Variants in PAK1 observed in about 807,000 individuals in gnomAD.
PAK1 encodes the protein serine/threonine-protein kinase PAK 1.
PAK1 carries 29 observed loss-of-function variants against 67.4 expected under a neutral mutation model. That is an observed-to-expected ratio of 0.43 (90% CI 0.32 to 0.59). PAK1 has a LOEUF of 0.59. Ranked by LOEUF, PAK1 falls within the 20% of genes least tolerant of loss-of-function variation. The probability of loss-of-function intolerance (pLI) is 0.07; values close to 1 mark genes in which losing one functional copy is unlikely to be tolerated. For missense variants in PAK1, 337 were observed against 670.7 expected (o/e 0.50, Z 5.50); for synonymous variants, 223 against 237.4 (o/e 0.94, Z 0.56).
intron 1 of PAK1, among the ~76,000 whole-genome samples, chr11:77,426,025 A>G (rs973228453): frequency 6.6e-6 from 1 of 151,380 alleles, no homozygotes; most frequent in Non-Finnish European, 1.5e-5. Context: ...TGCTGGGACT[A>G]CAAGCTTGAG....
chr11:77,331,322 A>G (rs1225485467), intron 14 of PAK1, among the ~76,000 whole-genome samples: 1 of 152,236 alleles, frequency 6.6e-6, no homozygotes, highest in East Asian at 1.9e-4. Context: ...GCTGCTGTAA[A>G]GACACATGCA....
chr11:77,449,173 C>T lies in PAK1; in HGVS notation c.-22+24379G>A, dbSNP rs759317276. On this transcript the variant is annotated intron_variant, in intron 1 of 14. Transcript: ENST00000356341. ...TGGGGACAAGACTTGACTTGATGGG[C>T]CTTTGGTGCAACCAGGTTTGAGGAA... Among the ~76,000 whole-genome samples the T allele has an allele frequency of 2.6e-4, 39 of 152,146 alleles. 1 individual carries two copies. Among genetic ancestry groups the T allele is most frequent in the Non-Finnish European group, 5.1e-4 (35 of 68,018 alleles).
At chr11:77,492,404 A>G in the PAK1 span, among the ~76,000 whole-genome samples, 1 of 152,088 alleles carries the variant, frequency 6.6e-6, no homozygotes, top group African/African-American at 2.4e-5. Context: ...ACACATATGC[A>G]TAAATCACAG....
At chr11:77,408,934 A>C (rs998876009) in intron 1 of PAK1, among the ~76,000 whole-genome samples, 2 of 152,148 alleles carry the variant, frequency 1.3e-5, no homozygotes, top group Admixed American at 1.3e-4. Context: ...CCATAATGTG[A>C]TATCATCTCA....
At chr11:77,364,183 T>C (rs946596057) in intron 5 of PAK1, among the ~76,000 whole-genome samples, 21 of 152,190 alleles carry the variant, frequency 1.4e-4, no homozygotes, top group African/African-American at 4.8e-4. Flanking sequence ...TAGTCACACA[T>C]GCCTGGCTAT....
At chr11:77,457,878 C>T (rs904359941) in intron 1 of PAK1, among the ~76,000 whole-genome samples, 13 of 152,186 alleles carry the variant, frequency 8.5e-5, no homozygotes, top group African/African-American at 3.1e-4. Flanking sequence ...CATATACCTG[C>T]TGTATAAGCT....
chr11:77,407,803 A>C (rs1383282236), intron 1 of PAK1, among the ~76,000 whole-genome samples: 1 of 152,116 alleles, frequency 6.6e-6, no homozygotes, highest in Non-Finnish European at 1.5e-5. Flanking sequence ...GCATATAGTC[A>C]CCCAAGTGGC....
intron 6 of PAK1, among the ~76,000 whole-genome samples, chr11:77,356,859 T>C (rs888351067): frequency 2.0e-5 from 3 of 152,168 alleles, no homozygotes; most frequent in East Asian, 1.9e-4. Context: ...GCAAGCTATA[T>C]ACTACTGAGG....
chr11:77,323,785 A>G (rs1382211620), intron 14 of PAK1, among the ~76,000 whole-genome samples: 1 of 152,238 alleles, frequency 6.6e-6, no homozygotes, highest in Admixed American at 6.5e-5. Flanking sequence ...TACACTGACA[A>G]ATGGGTTGAA....
At chr11:77,489,502 G>A in the PAK1 span, among the ~76,000 whole-genome samples, 7,383 of 151,288 alleles carry the variant, frequency 0.049, 604 homozygotes, top group African/African-American at 0.17. Context: ...ATGCCAAGCC[G>A]AAGCTGGACT....
At chr11:77,347,252 T>C (rs1422677743) in intron 9 of PAK1, among the ~76,000 whole-genome samples, 1 of 152,180 alleles carries the variant, frequency 6.6e-6, no homozygotes, top group Non-Finnish European at 1.5e-5. Context: ...ACCACCATCA[T>C]CACCTACCTG....
intron 10 of PAK1, 59 bp from the exon 11 acceptor site, chr11:77,340,822 C>A: frequency 1.1e-6 from 1 of 937,520 alleles, no homozygotes; most frequent in Non-Finnish European, 1.8e-6. Context: ...AGCCATAGCA[C>A]TGGGTTTCAA....
intron 1 of PAK1, among the ~76,000 whole-genome samples, chr11:77,412,986 C>T (rs140080821): frequency 6.6e-6 from 1 of 152,292 alleles, no homozygotes; most frequent in African/African-American, 2.4e-5. Context: ...AGTAGTGCCT[C>T]CCAATTACTG....
the PAK1 span, among the ~76,000 whole-genome samples, chr11:77,513,184 C>G: frequency 3.3e-5 from 5 of 152,246 alleles, no homozygotes; most frequent in East Asian, 9.7e-4. Flanking sequence ...GCTGCTGAGT[C>G]AAATCCTTTA....
intron 1 of PAK1, among the ~76,000 whole-genome samples, chr11:77,466,602 CAA>C (rs35876101): frequency 3.0e-5 from 4 of 131,372 alleles, no homozygotes; most frequent in Non-Finnish European, 5.0e-5. Context: ...GACTCCATCT[CAA>C]AAAAAAAAAA....
intron 5 of PAK1, among the ~76,000 whole-genome samples, chr11:77,360,532 C>T (rs2136626855): frequency 6.6e-6 from 1 of 152,294 alleles, no homozygotes; most frequent in Admixed American, 6.5e-5. Context: ...TGTGGGAATA[C>T]AGTTGACTCA....
At chr11:77,482,617 A>G in the PAK1 span, among the ~76,000 whole-genome samples, 2,191 of 143,928 alleles carry the variant, frequency 0.015, 59 homozygotes, top group African/African-American at 0.056. Context: ...TTTTTGAGAC[A>G]GGGTCTTACT....
At chr11:77,371,537 C>T (rs1280486223) in intron 5 of PAK1, among the ~76,000 whole-genome samples, 1 of 152,202 alleles carries the variant, frequency 6.6e-6, no homozygotes, top group African/African-American at 2.4e-5. Flanking sequence ...CTGGTTTCTA[C>T]TACTAACTCA....
In PAK1 at chr11:77,473,711, A is replaced by G; in HGVS notation, c.-181T>C. The G allele has an allele frequency of 8.9e-6, 1 of 112,462 alleles. No individual in the cohort carries two copies. Among genetic ancestry groups the G allele is most frequent in the South Asian group, 3.4e-4 (1 of 2,964 alleles). The allele number at this position is 112,462 out of a possible 1,614,324, so 7.0% of individuals were successfully genotyped here. ...CCCGTGGCGGGGCTCCCCTCAGGAC[A>G]GGGGAACTGCGAGGGAAGGGATGAT... is the stretch of plus-strand genomic sequence containing the variant. On this transcript the variant is annotated 5_prime_UTR_variant, in exon 1 of 15. Coordinates refer to ENST00000356341, the MANE Select transcript of PAK1 (RefSeq NM_002576.5).
Sources: gnomAD v4.1 joint callset for allele counts (sites outside exome capture counted in the v4.1 genomes callset) on GRCh38, gnomAD v4.1.1 for gene constraint, MANE v1.5 for transcripts, NCBI Gene and HGNC (gene_info 2026-07-23, HGNC 2026-07-21) for gene names.